The following SLC35D2 variants were observed in gnomAD, a reference collection of about 807,000 sequenced individuals.
SLC35D2 encodes nucleotide sugar transporter SLC35D2.
Under a neutral mutation model 41.8 loss-of-function variants are expected in SLC35D2, and 43 were observed. That is an observed-to-expected ratio of 1.03 (90% CI 0.81 to 1.33). The LOEUF (loss-of-function observed/expected upper bound fraction) is 1.33. SLC35D2 is among the 40% of genes most tolerant of loss of function. The probability of loss-of-function intolerance (pLI) is 0.00; values close to 1 mark genes in which losing one functional copy is unlikely to be tolerated. For missense variants in SLC35D2, 380 were observed against 408.4 expected (o/e 0.93, Z 0.60); for synonymous variants, 150 against 163.9 (o/e 0.92, Z 0.65).
At chr9:96,337,981 C>CAAA (rs67714645) in intron 8 of SLC35D2, among the ~76,000 whole-genome samples, 4 of 33,884 alleles carry the variant, frequency 1.2e-4, no homozygotes, top group Admixed American at 5.8e-4. Flanking sequence ...AACTCCACCT[C>CAAA]AAAAAAAAAA....
chr9:96,317,054 T>C (rs1023716912), downstream of SLC35D2, among the ~76,000 whole-genome samples: 2 of 150,710 alleles, frequency 1.3e-5, no homozygotes, highest in African/African-American at 2.4e-5. Flanking sequence ...AGGAGAATGG[T>C]GTGAAACTGG....
chr9:96,326,593 G>T (rs77268294), intron 9 of SLC35D2, among the ~76,000 whole-genome samples: 1 of 151,894 alleles, frequency 6.6e-6, no homozygotes, highest in South Asian at 2.1e-4. Context: ...CACAAGGTCA[G>T]GAGATTGAGA....
chr9:96,335,711 T>C (rs1829018245), intron 9 of SLC35D2, among the ~76,000 whole-genome samples: 3 of 152,252 alleles, frequency 2.0e-5, no homozygotes, highest in African/African-American at 7.2e-5. Flanking sequence ...AAGACTGAAA[T>C]AGACACAAAC....
At chr9:96,359,461 G>A (rs534124190) in intron 4 of SLC35D2, among the ~76,000 whole-genome samples, 47 of 152,100 alleles carry the variant, frequency 3.1e-4, no homozygotes, top group South Asian at 6.2e-4. Flanking sequence ...AGGCCAAAGC[G>A]GATGGATCAC....
In SLC35D2 at chr9:96,329,562, T is replaced by G. The variant is rs1304816301; in HGVS notation, c.753-5393A>C. ...TGTATTTCTCACCTGCATTTTCACA[T>G]CTATGATCTTCAAAACACTCCTCCA... On this transcript the variant is annotated intron_variant, in intron 9 of 11. Transcript: ENST00000253270. 3.3e-5 allele frequency among the ~76,000 whole-genome samples: 5 copies of G among 152,168 alleles called. No homozygotes were observed. The South Asian group carries it at 1.0e-3, about 31-fold the overall frequency.
At chr9:96,356,908 G>A (rs1290975714) in intron 4 of SLC35D2, among the ~76,000 whole-genome samples, 16 of 151,426 alleles carry the variant, frequency 1.1e-4, no homozygotes, top group South Asian at 1.0e-3. Flanking sequence ...TAGGCTGGGC[G>A]TGGTGGCTCA....
chr9:96,339,943 A>G (rs988506434), intron 8 of SLC35D2, among the ~76,000 whole-genome samples: 2 of 152,232 alleles, frequency 1.3e-5, no homozygotes, highest in Non-Finnish European at 2.9e-5. Context: ...TCCTAGTCCC[A>G]GTTAACCAGG....
At chr9:96,371,936 C>T (rs974177222) in intron 1 of SLC35D2, among the ~76,000 whole-genome samples, 4 of 151,558 alleles carry the variant, frequency 2.6e-5, no homozygotes, top group Non-Finnish European at 4.4e-5. Context: ...CCGTTTTAGC[C>T]GGGATGGTCT....
chr9:96,333,319 G>A (rs1351433213), intron 9 of SLC35D2, among the ~76,000 whole-genome samples: 3 of 151,886 alleles, frequency 2.0e-5, no homozygotes, highest in Non-Finnish European at 4.4e-5. Context: ...ATTGTAGGCC[G>A]GGCGTGGTGG....
chr9:96,361,968 A>G (rs1303681581), intron 3 of SLC35D2, among the ~76,000 whole-genome samples: 5 of 152,174 alleles, frequency 3.3e-5, no homozygotes, highest in Non-Finnish European at 5.9e-5. Context: ...CCAGGGTCCA[A>G]CTAGAAGCAT....
At chr9:96,318,398 C>A (rs1828108799), downstream of SLC35D2, among the ~76,000 whole-genome samples, 1 of 147,366 alleles carries the variant, frequency 6.8e-6, no homozygotes, top group South Asian at 2.2e-4. Context: ...ATGGAGACTG[C>A]AGTGAGCCGA....
At chr9:96,363,232 C>T (rs34884301) in intron 3 of SLC35D2, among the ~76,000 whole-genome samples, 3,970 of 151,720 alleles carry the variant, frequency 0.026, 78 homozygotes, top group Middle Eastern at 0.055. Context: ...AACTCCTGGC[C>T]TCAGACGATC....
intron 9 of SLC35D2, among the ~76,000 whole-genome samples, chr9:96,325,890 G>A (rs7861990): frequency 6.6e-6 from 1 of 152,032 alleles, no homozygotes; most frequent in Non-Finnish European, 1.5e-5. Context: ...CCTTCAACAC[G>A]ATAACCTCTG....
chr9:96,345,319 TG>T lies in SLC35D2; in HGVS notation c.570del (p.Lys191AsnfsTer9), dbSNP rs1160318926. The stretch of plus-strand genomic sequence containing the variant: ...GGTACCTTTGGGTCCATTTTCTGTT[TG>T]GTATAAACTCCATTTGCTGCTGTGA... The part of the protein sequence containing the change: ...DIFTAANGVY[T>X]KQKMDPKELG... On this transcript the variant is annotated frameshift_variant, in exon 7 of 12. Coordinates refer to ENST00000253270, the MANE Select transcript of SLC35D2 (RefSeq NM_007001.3). LOFTEE classifies it high-confidence loss of function. 6.2e-7 allele frequency: 1 copy of T among 1,605,942 alleles called. No individual in the cohort carries two copies. Among genetic ancestry groups the T allele is most frequent in the Non-Finnish European group, 8.5e-7 (1 of 1,174,920 alleles).
chr9:96,341,116 G>A (rs879873661), intron 8 of SLC35D2, among the ~76,000 whole-genome samples: 4 of 151,764 alleles, frequency 2.6e-5, no homozygotes, highest in Admixed American at 6.6e-5. Flanking sequence ...GTGAAACCCC[G>A]TCTCTACTAA....
chr9:96,315,181 G>A (rs912073229), intron 11 of SLC35D2, among the ~76,000 whole-genome samples: 8 of 152,088 alleles, frequency 5.3e-5, no homozygotes, highest in African/African-American at 1.7e-4. Context: ...GTGCAGTGGT[G>A]CAATCATGGC....
At chr9:96,353,766 C>T (rs774592512) in intron 4 of SLC35D2, among the ~76,000 whole-genome samples, 3 of 152,226 alleles carry the variant, frequency 2.0e-5, no homozygotes, top group Non-Finnish European at 2.9e-5. Flanking sequence ...CTACCCACTC[C>T]TAACACCCAG....
At chr9:96,327,837 A>G (rs76678796) in intron 9 of SLC35D2, among the ~76,000 whole-genome samples, 20,187 of 151,530 alleles carry the variant, frequency 0.13, 1,800 homozygotes, top group East Asian at 0.28. Flanking sequence ...GCCCAGGCTG[A>G]TCTGGAACTC....
intron 1 of SLC35D2, among the ~76,000 whole-genome samples, chr9:96,378,039 G>C (rs1831028655): frequency 6.6e-6 from 1 of 152,056 alleles, no homozygotes; most frequent in Non-Finnish European, 1.5e-5. Context: ...TTTTGGTTTG[G>C]GATACAGAAT....
Sources: allele counts gnomAD v4.1 joint callset (sites outside exome capture counted in the v4.1 genomes callset), GRCh38; gene constraint gnomAD v4.1.1; transcripts MANE v1.5; gene names NCBI Gene and HGNC (gene_info 2026-07-23, HGNC 2026-07-21).